Variants in ATP8A2 observed in about 807,000 individuals in gnomAD.
ATP8A2 encodes ATPase phospholipid transporting 8A2.
ATP8A2 carries 100 observed loss-of-function variants against 165.6 expected under a neutral mutation model. That is an observed-to-expected ratio of 0.60 (90% CI 0.51 to 0.71). ATP8A2 has a LOEUF of 0.71. ATP8A2 is among the 30% of genes least tolerant of loss of function. The pLI, the probability that ATP8A2 is intolerant of heterozygous loss-of-function variation, is 0.00. For synonymous variants in ATP8A2, 543 were observed against 548.8 expected (o/e 0.99, Z 0.15); for missense variants, 1,227 against 1,479.5 (o/e 0.83, Z 2.80).
At chr13:25,594,603 G>A (rs1050479797) in intron 24 of ATP8A2, among the ~76,000 whole-genome samples, 3 of 151,906 alleles carry the variant, frequency 2.0e-5, no homozygotes, top group Non-Finnish European at 4.4e-5. Flanking sequence ...AAAGTCCATC[G>A]TGTCATTCTT....
At chr13:25,587,075 G>A (rs1398206024) in intron 23 of ATP8A2, among the ~76,000 whole-genome samples, 5 of 152,028 alleles carry the variant, frequency 3.3e-5, no homozygotes, top group African/African-American at 7.2e-5. Flanking sequence ...GTTAGATTGC[G>A]AGATTAAAGA....
At chr13:25,773,986 T>A (rs1766836758) in intron 26 of ATP8A2, among the ~76,000 whole-genome samples, 1 of 152,250 alleles carries the variant, frequency 6.6e-6, no homozygotes, top group Non-Finnish European at 1.5e-5. Flanking sequence ...TAAACAAGAC[T>A]GTATTGTGTG....
intron 1 of ATP8A2, among the ~76,000 whole-genome samples, chr13:25,385,201 G>C (rs2032996935): frequency 6.6e-6 from 1 of 152,190 alleles, no homozygotes; most frequent in Non-Finnish European, 1.5e-5. Flanking sequence ...CATGCTGGTG[G>C]AGGAGGGAAG....
At chr13:25,878,205 C>A (rs749310090) in intron 33 of ATP8A2, among the ~76,000 whole-genome samples, 10 of 152,048 alleles carry the variant, frequency 6.6e-5, no homozygotes, top group Non-Finnish European at 1.5e-4. Context: ...CACAGGAGCC[C>A]CCTTCTCAGT....
intron 1 of ATP8A2, among the ~76,000 whole-genome samples, chr13:25,444,618 A>G (rs750870141): frequency 5.3e-5 from 8 of 151,982 alleles, no homozygotes; most frequent in Non-Finnish European, 1.0e-4. Flanking sequence ...TCTAATGAGT[A>G]ATGATATCAA....
At chr13:25,896,709 G>A (rs1953562932) in intron 33 of ATP8A2, among the ~76,000 whole-genome samples, 1 of 152,144 alleles carries the variant, frequency 6.6e-6, no homozygotes, top group African/African-American at 2.4e-5. Flanking sequence ...TTATGAATCT[G>A]GGTGCTCCTG....
chr13:25,497,136 C>T (rs2036702399), intron 2 of ATP8A2, among the ~76,000 whole-genome samples: 1 of 152,172 alleles, frequency 6.6e-6, no homozygotes, highest in Non-Finnish European at 1.5e-5. Context: ...TCATGATCAA[C>T]ACAGGTTAAT....
intron 27 of ATP8A2, among the ~76,000 whole-genome samples, chr13:25,784,268 G>T (rs2044965525): frequency 6.6e-6 from 1 of 152,170 alleles, no homozygotes; most frequent in South Asian, 2.1e-4. Flanking sequence ...CAGAGCCCAT[G>T]CAAAGAACTT....
Position 25,971,290 on chromosome 13 carries a change from T to C in ATP8A2, c.3377+2611T>C, listed in dbSNP as rs887061391. ...TGCACAGAGTCTATGCTGTCCTGCT[T>C]GGCCTCCTAAGCTGCCTCACAATTG... On this transcript the variant is annotated intron_variant, in intron 35 of 36. Transcript: ENST00000381655. Among the ~76,000 whole-genome samples the C allele has an allele frequency of 2.0e-5, 3 of 149,956 alleles. No homozygotes were observed. The Admixed American group carries it at 2.0e-4, about 10-fold the overall frequency.
At chr13:25,409,837 A>G (rs942413261) in intron 1 of ATP8A2, among the ~76,000 whole-genome samples, 2 of 152,094 alleles carry the variant, frequency 1.3e-5, no homozygotes, top group Non-Finnish European at 2.9e-5. Context: ...CCCATCAGCC[A>G]TTAGAGAAAT....
rs575584851 is a variant in ATP8A2 at position 25,783,949 on chromosome 13, G to A, written c.2679+8990G>A. Among the ~76,000 whole-genome samples, 3 of 152,282 alleles carry A rather than the reference G, an allele frequency of 2.0e-5. No homozygotes were observed. In the South Asian group the frequency reaches 6.2e-4, roughly 32 times the overall value. On this transcript the variant is annotated intron_variant, in intron 27 of 36. Transcript: ENST00000381655. ...AGAGCTGGGAGTTTATTGGCAAAAG[G>A]TGGAGAGGGGGTGAGAGGACAGGGA... is the stretch of plus-strand genomic sequence containing the variant.
intron 24 of ATP8A2, among the ~76,000 whole-genome samples, chr13:25,650,107 C>A (rs2041775063): frequency 6.6e-6 from 1 of 152,124 alleles, no homozygotes; most frequent in African/African-American, 2.4e-5. Context: ...TTGGGAAATC[C>A]CGTCTGTGAG....
chr13:25,661,248 T>C (rs1463985335), intron 24 of ATP8A2, among the ~76,000 whole-genome samples: 1 of 152,184 alleles, frequency 6.6e-6, no homozygotes, highest in African/African-American at 2.4e-5. Context: ...GTTCTACTAC[T>C]CTTCCACACC....
At chr13:25,770,055 T>C (rs1405770894) in intron 26 of ATP8A2, among the ~76,000 whole-genome samples, 1 of 152,176 alleles carries the variant, frequency 6.6e-6, no homozygotes, top group African/African-American at 2.4e-5. Flanking sequence ...CTTAACCGAC[T>C]CCATCTTGCT....
In ATP8A2 at chr13:25,396,205, C is replaced by T. The variant is rs1306152706; in HGVS notation, c.76+23917C>T. 4.6e-5 allele frequency among the ~76,000 whole-genome samples: 7 copies of T among 152,268 alleles called. No homozygotes were observed. In the South Asian group the frequency reaches 8.3e-4, roughly 18 times the overall value. ...AAGGCCTGCCTGTCTGGATTCTTCTCGTTCTCTTGGAGCAGCCTATCTTCC... is the reference window on the plus strand; with the variant it reads ...AAGGCCTGCCTGTCTGGATTCTTCTTGTTCTCTTGGAGCAGCCTATCTTCC... On this transcript the variant is annotated intron_variant, in intron 1 of 36. Transcript: ENST00000381655.
chr13:25,377,844 C>G (rs1406855998), intron 1 of ATP8A2, among the ~76,000 whole-genome samples: 2 of 152,064 alleles, frequency 1.3e-5, no homozygotes, highest in Admixed American at 1.3e-4. Flanking sequence ...AATGGCCAAG[C>G]CTGTTGGCTC....
At chr13:25,922,031 A>G (rs73155935) in intron 33 of ATP8A2, among the ~76,000 whole-genome samples, 8,065 of 152,246 alleles carry the variant, frequency 0.053, 308 homozygotes, top group Non-Finnish European at 0.073. Flanking sequence ...AGAATTAACT[A>G]CATTTTTGGG....
intron 15 of ATP8A2, among the ~76,000 whole-genome samples, chr13:25,561,393 AT>A (rs924807199): frequency 2.0e-5 from 3 of 151,056 alleles, no homozygotes; most frequent in South Asian, 2.1e-4. Context: ...ACTTCCTGGT[AT>A]TTTTTTCACC....
intron 27 of ATP8A2, among the ~76,000 whole-genome samples, chr13:25,807,978 T>G (rs1410559118): frequency 6.6e-6 from 1 of 152,222 alleles, no homozygotes; most frequent in Non-Finnish European, 1.5e-5. Flanking sequence ...ACAGTAGCCA[T>G]GCACTTTAGT....
Sources: allele counts gnomAD v4.1 joint callset (sites outside exome capture counted in the v4.1 genomes callset), GRCh38; gene constraint gnomAD v4.1.1; transcripts MANE v1.5; gene names NCBI Gene and HGNC (gene_info 2026-07-23, HGNC 2026-07-21).